ARFGEF3: variants seen among roughly 807,000 people sequenced by gnomAD.
ARFGEF3 encodes the protein brefeldin A-inhibited guanine nucleotide-exchange protein 3.
In ARFGEF3, 96 loss-of-function variants were observed where a neutral mutation model predicts 221.7. The ratio of observed to expected loss-of-function variants is 0.43; its 90% CI spans 0.37 to 0.51. ARFGEF3 has a LOEUF of 0.51. Among genes scored for constraint, ARFGEF3 ranks in the 20% least tolerant of loss-of-function variants. ARFGEF3 has a pLI of 0.00. For synonymous variants in ARFGEF3, 1,145 were observed against 1,126.8 expected, an observed-to-expected ratio of 1.02 and a Z score of -0.32; for missense variants, 2,410 against 2,789.9, an observed-to-expected ratio of 0.86 and a Z score of 3.07.
Position 138,220,698 on chromosome 6 carries a change from T to C in ARFGEF3, c.352-9086T>C, listed in dbSNP as rs73774690. ...CACTTGCTGGTCTTCATGTCTAATATACTTGCTAGAAGGACATCGACTCAG... is the reference window on the plus strand; with the variant it reads ...CACTTGCTGGTCTTCATGTCTAATACACTTGCTAGAAGGACATCGACTCAG... On this transcript the variant is annotated intron_variant, in intron 4 of 33. Coordinates refer to ENST00000251691, the MANE Select transcript of ARFGEF3 (RefSeq NM_020340.5). 9.2e-3 allele frequency among the ~76,000 whole-genome samples: 1,407 copies of C among 152,332 alleles called. 17 individuals carry two copies. The highest frequency in any genetic ancestry group is 0.031 in the African/African-American group (1,296 of 41,566).
At chr6:138,225,587 A>C (rs931681400) in intron 4 of ARFGEF3, among the ~76,000 whole-genome samples, 11 of 152,172 alleles carry the variant, frequency 7.2e-5, no homozygotes, top group African/African-American at 2.7e-4. Flanking sequence ...GATGTCAAAG[A>C]CTGTGCTTCC....
intron 32 of ARFGEF3, among the ~76,000 whole-genome samples, chr6:138,328,509 A>G (rs1479563386): frequency 1.3e-5 from 2 of 152,170 alleles, no homozygotes; most frequent in South Asian, 2.1e-4. Context: ...GTACAGGTCT[A>G]TGTCTCAATT....
chr6:138,208,375 T>C (rs555161276), intron 3 of ARFGEF3, among the ~76,000 whole-genome samples: 1 of 149,254 alleles, frequency 6.7e-6, no homozygotes, highest in African/African-American at 2.5e-5. Flanking sequence ...TACCACATGA[T>C]TCTGAAAAAA....
intron 4 of ARFGEF3, among the ~76,000 whole-genome samples, chr6:138,227,377 A>T (rs954715810): frequency 6.6e-6 from 1 of 152,144 alleles, no homozygotes; most frequent in African/African-American, 2.4e-5. Context: ...CTCACAGAAA[A>T]CTGGGTCAAG....
intron 2 of ARFGEF3, among the ~76,000 whole-genome samples, chr6:138,202,280 A>G (rs1233267682): frequency 6.6e-6 from 1 of 152,266 alleles, no homozygotes; most frequent in Middle Eastern, 3.4e-3. Flanking sequence ...TGCAAAGGGG[A>G]TTGAGTGTGT....
chr6:138,294,973 A>T (rs1336174921), intron 20 of ARFGEF3, among the ~76,000 whole-genome samples: 1 of 152,176 alleles, frequency 6.6e-6, no homozygotes, highest in Non-Finnish European at 1.5e-5. Context: ...TAGATTTGAG[A>T]ACCACAGTTG....
At chr6:138,209,827 A>T in intron 3 of ARFGEF3, 83 bp from the exon 4 acceptor site, 1 of 1,523,700 alleles carries the variant, frequency 6.6e-7, no homozygotes, top group Non-Finnish European at 8.9e-7. Flanking sequence ...AAGAAAACTG[A>T]TCATCAATCC....
chr6:138,303,629 C>G (rs903154129), intron 22 of ARFGEF3, among the ~76,000 whole-genome samples: 8 of 151,898 alleles, frequency 5.3e-5, no homozygotes, highest in Admixed American at 1.3e-4. Flanking sequence ...ATGGTGAAAC[C>G]CTGTCTCTAC....
chr6:138,211,102 G>T (rs1187738833), intron 4 of ARFGEF3, among the ~76,000 whole-genome samples: 1 of 152,116 alleles, frequency 6.6e-6, no homozygotes, highest in African/African-American at 2.4e-5. Flanking sequence ...GTGTAAAATG[G>T]GGGCAATAGT....
chr6:138,317,216 CTG>C (rs764346097), intron 26 of ARFGEF3, 33 bp from the exon 27 acceptor site: 13 of 1,602,640 alleles, frequency 8.1e-6, no homozygotes, highest in African/African-American at 1.3e-5. Flanking sequence ...TTGTGTCTAA[CTG>C]GATTTCATAC....
At chr6:138,202,163 T>TA (rs1777548960) in intron 2 of ARFGEF3, among the ~76,000 whole-genome samples, 2 of 152,324 alleles carry the variant, frequency 1.3e-5, no homozygotes, top group East Asian at 1.9e-4. Flanking sequence ...TGCCTGTGCA[T>TA]AAAAAATAAT....
chr6:138,277,224 A>G (rs1395602664), intron 12 of ARFGEF3, among the ~76,000 whole-genome samples: 1 of 152,136 alleles, frequency 6.6e-6, no homozygotes, highest in Non-Finnish European at 1.5e-5. Flanking sequence ...AGTGCATCAT[A>G]TATATTTGTT....
At chr6:138,192,043 C>T (rs1777313804) in intron 2 of ARFGEF3, among the ~76,000 whole-genome samples, 1 of 152,206 alleles carries the variant, frequency 6.6e-6, no homozygotes. Flanking sequence ...CTAGGTGAGG[C>T]AGGACCCTGC....
At chr6:138,314,947 C>A (rs1463770112) in intron 26 of ARFGEF3, among the ~76,000 whole-genome samples, 1 of 152,168 alleles carries the variant, frequency 6.6e-6, no homozygotes, top group African/African-American at 2.4e-5. Flanking sequence ...GCCTCTATAC[C>A]CATCCTTTTA....
chr6:138,209,830 A>G (rs1253669425), intron 3 of ARFGEF3, 80 bp from the exon 4 acceptor site: 2 of 1,533,804 alleles, frequency 1.3e-6, no homozygotes, highest in East Asian at 4.6e-5. Context: ...AAAACTGATC[A>G]TCAATCCATA....
rs775622918 is a variant in ARFGEF3, at chr6:138,243,002, A to G, written c.586+8A>G. The stretch of plus-strand genomic sequence containing the variant: ...AGGATTTCGGGAATCAAGGTATGGC[A>G]TTTGATTTGTACTAGTTCAGTTTTT... On this transcript the variant is annotated splice_region_variant and intron_variant, in intron 7 of 33. Transcript: ENST00000251691. 6.2e-7 allele frequency: 1 copy of G among 1,609,652 alleles called. No homozygotes were observed. The highest frequency in any genetic ancestry group is 1.1e-5 in the South Asian group (1 of 90,442).
At chr6:138,315,767 T>C (rs1779913718) in intron 26 of ARFGEF3, among the ~76,000 whole-genome samples, 1 of 151,888 alleles carries the variant, frequency 6.6e-6, no homozygotes, top group African/African-American at 2.4e-5. Context: ...AGAGAATCGC[T>C]TGAACCCGGG....
At chr6:138,190,081 C>T (rs1777269219) in intron 2 of ARFGEF3, among the ~76,000 whole-genome samples, 1 of 151,206 alleles carries the variant, frequency 6.6e-6, no homozygotes. Context: ...AAGATTCTGT[C>T]TCAAAAAAAA....
chr6:138,335,562 TAGCTG>T (rs1313136868), intron 33 of ARFGEF3, among the ~76,000 whole-genome samples: 1 of 149,730 alleles, frequency 6.7e-6, no homozygotes, highest in Non-Finnish European at 1.5e-5. Context: ...AAAAAAAAAT[TAGCTG>T]GGAGAGGTGG....
Sources: allele counts gnomAD v4.1 joint callset (sites outside exome capture counted in the v4.1 genomes callset), GRCh38; gene constraint gnomAD v4.1.1; transcripts MANE v1.5; gene names NCBI Gene and HGNC (gene_info 2026-07-23, HGNC 2026-07-21).